The following DGKZ variants were observed in gnomAD, a reference collection of about 807,000 sequenced individuals.
DGKZ encodes the protein DAG kinase zeta.
DGKZ carries 45 observed loss-of-function variants against 142.5 expected under a neutral mutation model. The observed-to-expected ratio is 0.32, with a 90% confidence interval of 0.25 to 0.40. DGKZ has a LOEUF of 0.40. Ranked by LOEUF, DGKZ falls within the 10% of genes least tolerant of loss-of-function variation. DGKZ has a pLI of 1.00. For missense variants in DGKZ, 755 were observed against 1,306.5 expected (o/e 0.58, Z 6.51); for synonymous variants, 442 against 527.0 (o/e 0.84, Z 2.21).
In DGKZ at chr11:46,374,585, C is replaced by T. The variant is rs767579325; in HGVS notation, c.1462-19C>T. On this transcript the variant is annotated intron_variant, in intron 16 of 30. Coordinates refer to ENST00000527911, the Ensembl canonical transcript of DGKZ. Reference sequence around the variant, plus strand: ...AAAGATCTCTGTCAGCAGATGGTGACGCCCTCTGTCTCCCACAGACAGCTT... The same window carrying T: ...AAAGATCTCTGTCAGCAGATGGTGATGCCCTCTGTCTCCCACAGACAGCTT... 102 of 1,589,974 alleles carry T rather than the reference C, an allele frequency of 6.4e-5. No homozygotes were observed. Among genetic ancestry groups the T allele is most frequent in the Non-Finnish European group, 4.1e-5 (48 of 1,165,870 alleles).
In DGKZ at chr11:46,372,400, C is replaced by CT. The variant is rs1275533885; in HGVS notation, c.928-27dup. On this transcript the variant is annotated intron_variant, in intron 10 of 30. Transcript: ENST00000527911. The surrounding 1 kb of genome is among the most constrained non-coding windows in gnomAD (Gnocchi z 5.9). ...CCCACTTCGTCCCACCACTGCCTGA[C>CT]TGTCTCTTGGCTCCCCATCCCATCC... 1 of 1,612,062 alleles carries CT rather than the reference C, an allele frequency of 6.2e-7. No individual in the cohort carries two copies. The highest frequency in any genetic ancestry group is 2.2e-5 in the East Asian group (1 of 44,888).
chr11:46,345,283 C>G, upstream of DGKZ: 2 of 1,358,238 alleles, frequency 1.5e-6, no homozygotes, highest in Non-Finnish European at 1.9e-6. This position sits in a 1 kb window ranked among gnomAD's most constrained non-coding sequence, Gnocchi z 4.1. Flanking sequence ...CCCCAGCCAG[C>G]GGAAGGCGCC....
At chr11:46,365,259 C>T in intron 1 of DGKZ, 7 of 985,392 alleles carry the variant, frequency 7.1e-6, no homozygotes, top group Non-Finnish European at 8.4e-6. Flanking sequence ...CTTCCAGCAT[C>T]AGGGCCGCAG....
intron 1 of DGKZ, among the ~76,000 whole-genome samples, chr11:46,348,786 C>T (rs532126771): frequency 6.6e-6 from 1 of 152,326 alleles, no homozygotes; most frequent in South Asian, 2.1e-4. Flanking sequence ...GAGTACCTGA[C>T]CTGGCTCCCT....
Position 46,364,218 on chromosome 11 carries a change from A to C in DGKZ, c.162-3073A>C, listed in dbSNP as rs61493022. ...ACTTGGACTCCAGCACTGACTCCAC[A>C]CTGACTTGCCGTGGACTCTAGGCGG... On this transcript the variant is annotated intron_variant, in intron 1 of 30. Coordinates refer to ENST00000527911, the Ensembl canonical transcript of DGKZ. 468 of 259,816 alleles carry C rather than the reference A, an allele frequency of 1.8e-3. 2 individuals are homozygous for C. Among genetic ancestry groups the C allele is most frequent in the African/African-American group, 0.01 (448 of 43,464 alleles). 16.1% of individuals were successfully genotyped at this position (259,816 alleles called of 1,614,324 possible).
At chr11:46,350,984 A>G (rs1941313779) in intron 1 of DGKZ, among the ~76,000 whole-genome samples, 2 of 151,152 alleles carry the variant, frequency 1.3e-5, no homozygotes, top group African/African-American at 4.9e-5. Context: ...GGAGGAGGAG[A>G]GGAGGTACAG....
Position 46,378,131 on chromosome 11 carries a change from G to A in DGKZ, c.2343-67G>A, listed in dbSNP as rs994646862. On this transcript the variant is annotated intron_variant, in intron 25 of 30. Coordinates refer to ENST00000527911, the Ensembl canonical transcript of DGKZ. ...GGAAAGGATGAAGATGCCCCCAGTT[G>A]GGGTTGGGGAGGGCGACCAGCTGGC... 2.6e-6 allele frequency: 4 copies of A among 1,560,112 alleles called. 1 individual carries two copies. Among genetic ancestry groups the A allele is most frequent in the Non-Finnish European group, 3.5e-6 (4 of 1,148,462 alleles).
At chr11:46,369,696 C>A in intron 5 of DGKZ, 146 bp downstream of exon 5, 1 of 1,135,034 alleles carries the variant, frequency 8.8e-7, no homozygotes, top group East Asian at 2.4e-5. Context: ...CATGCGGAGG[C>A]CTAACTAGCG....
Position 46,372,366 on chromosome 11 carries a change from TCTGCTGCTCCCA to T in DGKZ, c.928-59_928-48del. 6.4e-7 allele frequency: 1 copy of T among 1,571,152 alleles called. No individual in the cohort carries two copies. The highest frequency in any genetic ancestry group is 8.8e-7 in the Non-Finnish European group (1 of 1,141,966). Reference sequence around the variant, plus strand: ...GTTCCCACAGTCACACCCCTCTCCCTCTGCTGCTCCCACTTCGTCCCACCACTGCCTGACTGT... The same window carrying T: ...GTTCCCACAGTCACACCCCTCTCCCTCTTCGTCCCACCACTGCCTGACTGT... On this transcript the variant is annotated intron_variant, in intron 10 of 30. Transcript: ENST00000527911. This position sits in a 1 kb window ranked among gnomAD's most constrained non-coding sequence, Gnocchi z 5.9.
intron 1 of DGKZ, among the ~76,000 whole-genome samples, chr11:46,357,349 C>T (rs1020074787): frequency 6.6e-6 from 1 of 152,054 alleles, no homozygotes; most frequent in Non-Finnish European, 1.5e-5. Context: ...GAACATGGAG[C>T]GGGCGATAGC....
chr11:46,366,562 G>C lies in DGKZ; in HGVS notation c.162-729G>C, dbSNP rs764155955. On this transcript the variant is annotated intron_variant, in intron 1 of 30. Transcript: ENST00000527911. ...CACAGCCTACCACCGTGGGGGCCCA[G>C]CTTCTGGGTGCACCCCTGCTGTTGA... 3.1e-6 allele frequency: 5 copies of C among 1,603,614 alleles called. No homozygotes were observed. The highest frequency in any genetic ancestry group is 4.3e-6 in the Non-Finnish European group (5 of 1,175,748).
chr11:46,377,138 G>A, exon 25 of DGKZ: 2 of 1,613,092 alleles, frequency 1.2e-6, no homozygotes, highest in Non-Finnish European at 1.7e-6. Context: ...CTGAGCTGCT[G>A]GGGGCATCGG....
At chr11:46,364,805 T>G (rs1485788116) in intron 1 of DGKZ, 1 of 985,316 alleles carries the variant, frequency 1.0e-6, no homozygotes, top group African/African-American at 1.7e-5. Context: ...CCACCATGCC[T>G]AATTAATGCC....
intron 1 of DGKZ, among the ~76,000 whole-genome samples, chr11:46,356,210 G>A (rs943922009): frequency 1.3e-5 from 2 of 152,166 alleles, no homozygotes; most frequent in South Asian, 2.1e-4. Context: ...GGAGGCTAAG[G>A]GAGATATATT....
chr11:46,339,434 C>T (rs575477992), intron 1 of DGKZ, among the ~76,000 whole-genome samples: 3 of 152,318 alleles, frequency 2.0e-5, no homozygotes, highest in Admixed American at 2.0e-4. Context: ...TTGAAAAGGG[C>T]GGGGCCCAGG....
intron 20 of DGKZ, 26 bp from the exon 21 acceptor site, chr11:46,375,825 C>G: frequency 6.5e-7 from 1 of 1,549,184 alleles, no homozygotes; most frequent in Non-Finnish European, 8.7e-7. Context: ...CTTGCTGAGC[C>G]CCCGCTTGCC....
In DGKZ at chr11:46,355,615, G is replaced by A. The variant is rs186115383; in HGVS notation, c.161+7795G>A. Among the ~76,000 whole-genome samples the A allele has an allele frequency of 6.9e-4, 105 of 152,312 alleles. 2 individuals are homozygous for A. The highest frequency in any genetic ancestry group is 6.3e-3 in the Admixed American group (96 of 15,304). On this transcript the variant is annotated intron_variant, in intron 1 of 30. Transcript: ENST00000527911. ...GAGGCAGATCCTCTGGGCCTTTGAA[G>A]CTAAACCTACTGTGAAGGCCTTTGT...
chr11:46,365,875 G>A (rs1185051832), intron 1 of DGKZ: 5 of 985,326 alleles, frequency 5.1e-6, no homozygotes, highest in Non-Finnish European at 6.0e-6. Flanking sequence ...CGGCAGGGCA[G>A]GTGGAGGCCT....
intron 1 of DGKZ, among the ~76,000 whole-genome samples, chr11:46,356,499 G>A (rs549479500): frequency 1.3e-5 from 2 of 152,296 alleles, no homozygotes; most frequent in Admixed American, 6.5e-5. Flanking sequence ...CAGCCTGTCC[G>A]GGGATGCAGA....
Sources: gnomAD v4.1 joint callset for allele counts (sites outside exome capture counted in the v4.1 genomes callset) on GRCh38, gnomAD v4.1.1 for gene constraint, Gnocchi (gnomAD v3.1) non-coding constraint, MANE v1.5 for transcripts, NCBI Gene and HGNC (gene_info 2026-07-23, HGNC 2026-07-21) for gene names.